KCNB2: variants seen among roughly 807,000 people sequenced by gnomAD.
KCNB2 encodes the protein delayed rectifier potassium channel protein.
In KCNB2, 15 loss-of-function variants were observed where a neutral mutation model predicts 61.5. The ratio of observed to expected loss-of-function variants is 0.24; its 90% confidence interval spans 0.16 to 0.38. KCNB2 has a LOEUF of 0.38. KCNB2 is among the 10% of genes least tolerant of loss of function. The pLI, the probability that KCNB2 is intolerant of heterozygous loss-of-function variation, is 1.00. For synonymous variants in KCNB2, 457 were observed against 446.0 expected (o/e 1.02, Z -0.31); for missense variants, 828 against 1,125.2 (o/e 0.74, Z 3.78).
At chr8:72,728,229 G>T (rs1307447908) in intron 2 of KCNB2, among the ~76,000 whole-genome samples, 1 of 152,106 alleles carries the variant, frequency 6.6e-6, no homozygotes, top group African/African-American at 2.4e-5. Context: ...GGAAATAAAC[G>T]TTAACCCCAT....
At chr8:72,920,913 G>A (rs11775875) in intron 2 of KCNB2, among the ~76,000 whole-genome samples, 71,497 of 151,778 alleles carry the variant, frequency 0.47, 18,109 homozygotes, top group Middle Eastern at 0.6. Flanking sequence ...CAATAGGACC[G>A]TAACACAGAA....
At chr8:72,571,255 A>G (rs1421355099) in intron 2 of KCNB2, among the ~76,000 whole-genome samples, 1 of 152,214 alleles carries the variant, frequency 6.6e-6, no homozygotes, top group Non-Finnish European at 1.5e-5. Flanking sequence ...AAATTATTAC[A>G]AGGTCAACTG....
intron 2 of KCNB2, among the ~76,000 whole-genome samples, chr8:72,659,084 C>T (rs773282678): frequency 6.6e-6 from 1 of 152,086 alleles, no homozygotes; most frequent in Non-Finnish European, 1.5e-5. Flanking sequence ...GCTACAGCCC[C>T]CATAGATAGT....
chr8:72,609,779 G>C (rs1045002237), intron 2 of KCNB2, among the ~76,000 whole-genome samples: 1 of 152,150 alleles, frequency 6.6e-6, no homozygotes, highest in East Asian at 1.9e-4. Context: ...CTATGTTTAT[G>C]TGTGCACTTA....
intron 2 of KCNB2, among the ~76,000 whole-genome samples, chr8:72,681,866 G>A (rs868248647): frequency 7.2e-5 from 11 of 152,068 alleles, no homozygotes; most frequent in Non-Finnish European, 1.5e-4. Context: ...TCATCTATGT[G>A]GTTCATCAAG....
intron 2 of KCNB2, among the ~76,000 whole-genome samples, chr8:72,920,063 ATAT>A (rs1337732757): frequency 1.3e-5 from 2 of 152,252 alleles, no homozygotes; most frequent in South Asian, 2.1e-4. Context: ...CTATAAGCTA[ATAT>A]TATAGTTTAA....
At chr8:72,539,618 T>C (rs999185483) in intron 1 of KCNB2, among the ~76,000 whole-genome samples, 6 of 152,174 alleles carry the variant, frequency 3.9e-5, no homozygotes, top group Non-Finnish European at 5.9e-5. Flanking sequence ...AACCCACACG[T>C]ATCGACTCCA....
chr8:72,893,626 T>G (rs1000523966), intron 2 of KCNB2, among the ~76,000 whole-genome samples: 2 of 152,214 alleles, frequency 1.3e-5, no homozygotes, highest in Admixed American at 1.3e-4. Context: ...CTCATTACTA[T>G]TATCCCATCT....
At chr8:72,626,707 T>C (rs1167015211) in intron 2 of KCNB2, among the ~76,000 whole-genome samples, 11 of 152,094 alleles carry the variant, frequency 7.2e-5, no homozygotes, top group Admixed American at 7.2e-4. Flanking sequence ...AATGTTGGGG[T>C]TACAATTTTA....
chr8:72,634,920 CT>C (rs1286823175), intron 2 of KCNB2, among the ~76,000 whole-genome samples: 1 of 152,158 alleles, frequency 6.6e-6, no homozygotes, highest in African/African-American at 2.4e-5. Context: ...TCCTCTGCAT[CT>C]CATTTAAGCC....
At chr8:72,838,658 G>C (rs7845289) in intron 2 of KCNB2, among the ~76,000 whole-genome samples, 129,768 of 152,154 alleles carry the variant, frequency 0.85, 56,305 homozygotes, top group Middle Eastern at 0.97. Flanking sequence ...AATGGTATTT[G>C]TAGTTCTAGA....
At chr8:72,665,486 C>CATAT (rs369206092) in intron 2 of KCNB2, among the ~76,000 whole-genome samples, 1 of 150,962 alleles carries the variant, frequency 6.6e-6, no homozygotes, top group Non-Finnish European at 1.5e-5. Context: ...TTAGAACATC[C>CATAT]ATATATATAT....
chr8:72,853,999 G>A (rs1365197421), intron 2 of KCNB2, among the ~76,000 whole-genome samples: 1 of 152,192 alleles, frequency 6.6e-6, no homozygotes, highest in Admixed American at 6.5e-5. Context: ...TTTAAAAAGT[G>A]ACAGAAACTC....
intron 2 of KCNB2, among the ~76,000 whole-genome samples, chr8:72,718,682 AG>A (rs1807491837): frequency 8.6e-6 from 1 of 115,944 alleles, no homozygotes; most frequent in Non-Finnish European, 1.8e-5. Context: ...GGGAGGGGGG[AG>A]GGATAGCATT....
intron 1 of KCNB2, among the ~76,000 whole-genome samples, chr8:72,564,778 G>C (rs1273306565): frequency 6.6e-6 from 1 of 152,112 alleles, no homozygotes; most frequent in Non-Finnish European, 1.5e-5. Flanking sequence ...TCCCAGGCCT[G>C]CCTTTATAAT....
intron 2 of KCNB2, among the ~76,000 whole-genome samples, chr8:72,844,032 T>C (rs12544145): frequency 0.85 from 129,761 of 152,168 alleles, 56,298 homozygotes; most frequent in Middle Eastern, 0.97. Flanking sequence ...TTCATAGTGT[T>C]GATGGTCTTT....
At chr8:72,664,671 C>T (rs1419753436) in intron 2 of KCNB2, among the ~76,000 whole-genome samples, 5 of 152,208 alleles carry the variant, frequency 3.3e-5, no homozygotes, top group Non-Finnish European at 7.3e-5. Flanking sequence ...TGTTACATTT[C>T]AGACAGTAGT....
intron 2 of KCNB2, among the ~76,000 whole-genome samples, chr8:72,927,567 AC>A (rs1232700079): frequency 6.6e-6 from 1 of 151,704 alleles, no homozygotes; most frequent in Non-Finnish European, 1.5e-5. Flanking sequence ...CACTGCACCG[AC>A]CCCCAACTCT....
chr8:72,862,831 A>G (rs1433977757), intron 2 of KCNB2, among the ~76,000 whole-genome samples: 2 of 152,184 alleles, frequency 1.3e-5, no homozygotes, highest in Non-Finnish European at 2.9e-5. Flanking sequence ...ATTATGTGCT[A>G]GGAGTGGTTC....
Sources: allele counts gnomAD v4.1 joint callset (sites outside exome capture counted in the v4.1 genomes callset), GRCh38; gene constraint gnomAD v4.1.1; transcripts MANE v1.5; gene names NCBI Gene and HGNC (gene_info 2026-07-23, HGNC 2026-07-21).